Variants in ZNF385D observed in about 807,000 individuals in gnomAD.
ZNF385D encodes the protein zinc finger protein 659.
ZNF385D carries 15 observed loss-of-function variants against 35.8 expected under a neutral mutation model. The ratio of observed to expected loss-of-function variants is 0.42; its 90% CI spans 0.28 to 0.64. The LOEUF is 0.64. Ranked by LOEUF, ZNF385D falls within the 30% of genes least tolerant of loss-of-function variation. The pLI is 0.23. For synonymous variants in ZNF385D, 212 were observed against 186.8 expected, an observed-to-expected ratio of 1.13 and a Z score of -1.10; for missense variants, 474 against 494.6, an observed-to-expected ratio of 0.96 and a Z score of 0.39.
At chr3:21,437,591 C>T (rs1701622801) in intron 4 of ZNF385D, among the ~76,000 whole-genome samples, 1 of 149,512 alleles carries the variant, frequency 6.7e-6, no homozygotes, top group Admixed American at 6.8e-5. Context: ...AAGATAAATG[C>T]TTTTAAGATA....
At chr3:21,638,279 T>C (rs2065504243) in intron 2 of ZNF385D, among the ~76,000 whole-genome samples, 1 of 152,078 alleles carries the variant, frequency 6.6e-6, no homozygotes, top group Admixed American at 6.6e-5. Flanking sequence ...CATTGTTCTG[T>C]TTGTTATACA....
chr3:21,524,738 G>C (rs1200283202), intron 3 of ZNF385D, among the ~76,000 whole-genome samples: 1 of 152,126 alleles, frequency 6.6e-6, no homozygotes, highest in Admixed American at 6.5e-5. Context: ...TTCTCCCTGA[G>C]TTAAAATTGT....
intron 3 of ZNF385D, among the ~76,000 whole-genome samples, chr3:21,764,405 C>A (rs1458382910): frequency 6.6e-6 from 1 of 152,100 alleles, no homozygotes; most frequent in Non-Finnish European, 1.5e-5. Context: ...GAATGGTTAA[C>A]TAATAAGCAT....
At chr3:21,475,751 C>T (rs1704194510) in intron 4 of ZNF385D, among the ~76,000 whole-genome samples, 1 of 152,116 alleles carries the variant, frequency 6.6e-6, no homozygotes, top group African/African-American at 2.4e-5. Context: ...TACCTACACT[C>T]ATGCAAAGCA....
chr3:22,032,309 T>C (rs1424515833), intron 3 of ZNF385D, among the ~76,000 whole-genome samples: 2 of 152,100 alleles, frequency 1.3e-5, no homozygotes, highest in East Asian at 1.9e-4. Flanking sequence ...CTTGCAATTG[T>C]GGTGGAAGGC....
At chr3:21,787,868 G>A (rs182418932) in intron 3 of ZNF385D, among the ~76,000 whole-genome samples, 296 of 149,710 alleles carry the variant, frequency 2.0e-3, no homozygotes, top group African/African-American at 6.9e-3. Context: ...CGTGAACCCG[G>A]GAGGCGGAGC....
chr3:21,986,682 G>T (rs1694822190), intron 3 of ZNF385D, among the ~76,000 whole-genome samples: 1 of 140,388 alleles, frequency 7.1e-6, no homozygotes, highest in African/African-American at 3.0e-5. Flanking sequence ...TGTCTATTAG[G>T]TCCGCTTGGT....
At chr3:22,325,989 T>A (rs1046125214) in intron 2 of ZNF385D, among the ~76,000 whole-genome samples, 2 of 152,102 alleles carry the variant, frequency 1.3e-5, no homozygotes, top group Admixed American at 6.6e-5. Context: ...GTGCACCATC[T>A]TCCCTTTCTC....
chr3:22,326,693 TTC>T (rs1166112555), intron 2 of ZNF385D, among the ~76,000 whole-genome samples: 1 of 152,140 alleles, frequency 6.6e-6, no homozygotes, highest in Non-Finnish European at 1.5e-5. Flanking sequence ...AAGTGAACAT[TTC>T]TGTTTTAAAA....
At chr3:21,920,382 G>T (rs1700395211) in intron 3 of ZNF385D, among the ~76,000 whole-genome samples, 2 of 152,146 alleles carry the variant, frequency 1.3e-5, no homozygotes, top group Admixed American at 1.3e-4. Context: ...TGGGGTCATT[G>T]TTACAGCTGT....
Position 21,728,555 on chromosome 3 carries a change from T to C in ZNF385D, c.22+22340A>G, listed in dbSNP as rs372133902. ...GAATTTGTGATGATCAAATAAGCAATAGAAACCCTACAACTTTCTGAGAAC... is the reference window on the plus strand; with the variant it reads ...GAATTTGTGATGATCAAATAAGCAACAGAAACCCTACAACTTTCTGAGAAC... On this transcript the variant is annotated intron_variant, in intron 1 of 7. Coordinates refer to ENST00000281523, the MANE Select transcript of ZNF385D (RefSeq NM_024697.3). Among the ~76,000 whole-genome samples, 9 of 152,280 alleles carry C rather than the reference T, an allele frequency of 5.9e-5. No individual in the cohort carries two copies. The East Asian group carries it at 1.2e-3, about 20-fold the overall frequency.
At chr3:22,048,813 G>A (rs1311880874) in intron 3 of ZNF385D, among the ~76,000 whole-genome samples, 2 of 152,050 alleles carry the variant, frequency 1.3e-5, no homozygotes, top group African/African-American at 4.8e-5. Context: ...GTGATTGCAT[G>A]GAATTAGTAG....
At chr3:21,924,836 G>A (rs1553700192) in intron 3 of ZNF385D, among the ~76,000 whole-genome samples, 1 of 152,088 alleles carries the variant, frequency 6.6e-6, no homozygotes, top group Non-Finnish European at 1.5e-5. Context: ...CCTTACTTAG[G>A]TGGTCAACTG....
chr3:22,000,352 A>G (rs184844409), intron 3 of ZNF385D, among the ~76,000 whole-genome samples: 2 of 152,216 alleles, frequency 1.3e-5, no homozygotes, highest in Non-Finnish European at 2.9e-5. Context: ...AAACCGTCAA[A>G]GTGACCTCTG....
intron 2 of ZNF385D, among the ~76,000 whole-genome samples, chr3:22,263,279 T>C (rs1476202316): frequency 1.3e-5 from 2 of 152,030 alleles, no homozygotes; most frequent in South Asian, 2.1e-4. Context: ...AAGCTGCCCA[T>C]CTTGCTGTTT....
intron 2 of ZNF385D, among the ~76,000 whole-genome samples, chr3:22,209,621 T>C (rs1350003836): frequency 1.3e-5 from 2 of 151,906 alleles, no homozygotes; most frequent in African/African-American, 4.8e-5. Flanking sequence ...TTATCATATA[T>C]ATTCATTTCA....
At chr3:21,600,370 G>GTGAT (rs2064248779) in intron 2 of ZNF385D, among the ~76,000 whole-genome samples, 1 of 152,114 alleles carries the variant, frequency 6.6e-6, no homozygotes, top group Non-Finnish European at 1.5e-5. Flanking sequence ...CCCATTATTA[G>GTGAT]TGATAGTTTT....
chr3:21,815,784 T>A (rs1559650967), intron 3 of ZNF385D, among the ~76,000 whole-genome samples: 1 of 152,118 alleles, frequency 6.6e-6, no homozygotes, highest in Non-Finnish European at 1.5e-5. Flanking sequence ...CTTCTGAAAC[T>A]ATTCCAATCA....
At chr3:21,508,574 A>G (rs1178119816) in intron 4 of ZNF385D, among the ~76,000 whole-genome samples, 1 of 152,166 alleles carries the variant, frequency 6.6e-6, no homozygotes, top group Non-Finnish European at 1.5e-5. Context: ...ACCTAAGACT[A>G]GATGGTGCAA....
Sources: allele counts gnomAD v4.1 joint callset (sites outside exome capture counted in the v4.1 genomes callset), GRCh38; gene constraint gnomAD v4.1.1; transcripts MANE v1.5; gene names NCBI Gene and HGNC (gene_info 2026-07-23, HGNC 2026-07-21).